Variants in ZNF536 observed in about 807,000 individuals in gnomAD.
ZNF536 encodes the protein zinc finger protein 536.
ZNF536 carries 13 observed loss-of-function variants against 84.5 expected under a neutral mutation model. The ratio of observed to expected loss-of-function variants is 0.15; its 90% CI spans 0.10 to 0.24. The LOEUF is 0.24. Ranked by LOEUF, ZNF536 falls within the 10% of genes least tolerant of loss-of-function variation. The pLI is 1.00. For synonymous variants in ZNF536, 811 were observed against 742.5 expected (o/e 1.09, Z -1.50); for missense variants, 1,536 against 1,747.5 (o/e 0.88, Z 2.16).
At chr19:30,255,136 G>T (rs939694751) in intron 1 of ZNF536, among the ~76,000 whole-genome samples, 2 of 152,102 alleles carry the variant, frequency 1.3e-5, no homozygotes, top group African/African-American at 4.8e-5. Context: ...CAAGATAGGG[G>T]CAATGATAGT....
intron 1 of ZNF536, among the ~76,000 whole-genome samples, chr19:30,435,143 G>A (rs562886350): frequency 6.7e-6 from 1 of 150,332 alleles, no homozygotes; most frequent in East Asian, 2.0e-4. Flanking sequence ...GATGATGATG[G>A]TGATTATGAT....
intron 2 of ZNF536, among the ~76,000 whole-genome samples, chr19:30,466,904 G>C (rs576918196): frequency 6.6e-6 from 1 of 152,094 alleles, no homozygotes. Context: ...GCAGTGGCAC[G>C]ATCTCGGCTC....
At chr19:30,285,159 G>A (rs1323556095) in intron 2 of ZNF536, among the ~76,000 whole-genome samples, 2 of 152,190 alleles carry the variant, frequency 1.3e-5, no homozygotes, top group African/African-American at 4.8e-5. Flanking sequence ...AGTAAAACAT[G>A]TACCAACACC....
At chr19:30,433,071 A>G (rs929683180) in intron 1 of ZNF536, among the ~76,000 whole-genome samples, 1 of 152,194 alleles carries the variant, frequency 6.6e-6, no homozygotes, top group Non-Finnish European at 1.5e-5. Flanking sequence ...GCACCAGCCC[A>G]TGCCTCTGCC....
intron 2 of ZNF536, among the ~76,000 whole-genome samples, chr19:30,499,944 G>A (rs893891891): frequency 1.3e-5 from 2 of 152,184 alleles, no homozygotes; most frequent in Non-Finnish European, 2.9e-5. Context: ...GCAAGTCTAA[G>A]TGTGTGGCCC....
chr19:30,330,785 G>C (rs1484401178), intron 2 of ZNF536, among the ~76,000 whole-genome samples: 1 of 152,154 alleles, frequency 6.6e-6, no homozygotes, highest in African/African-American at 2.4e-5. Context: ...TCCATTTTTC[G>C]GTCCTGAGGG....
chr19:30,360,474 C>T (rs2048239193), intron 3 of ZNF536, among the ~76,000 whole-genome samples: 1 of 152,202 alleles, frequency 6.6e-6, no homozygotes, highest in Non-Finnish European at 1.5e-5. Context: ...TTTGTTGCTG[C>T]ATGCATGGAC....
At chr19:30,275,972 T>C (rs2026108832) in intron 1 of ZNF536, among the ~76,000 whole-genome samples, 1 of 152,150 alleles carries the variant, frequency 6.6e-6, no homozygotes. Context: ...CCCCTCTCCC[T>C]TCACTTTCCC....
At chr19:30,466,350 GGGGCAACAAAGCGAA>G (rs1165479173) in intron 2 of ZNF536, among the ~76,000 whole-genome samples, 1 of 151,192 alleles carries the variant, frequency 6.6e-6, no homozygotes, top group African/African-American at 2.4e-5. Flanking sequence ...AAGACCAGCT[GGGGCAACAAAGCGAA>G]ACTCCATTGC....
rs769979658 is a variant in ZNF536 at position 30,547,965 on chromosome 19, G to A, written c.2346G>A (p.Pro782=). ...IHTGEKPYKC[P]HCDYAGTQSA... is the part of the protein sequence containing the mutation. Reference sequence around the variant, plus strand: ...CAGGTGAGAAACCCTACAAGTGTCCGCACTGTGACTATGCCGGCACGCAGT... The same window carrying A: ...CAGGTGAGAAACCCTACAAGTGTCCACACTGTGACTATGCCGGCACGCAGT... Residue 782 remains proline, a synonymous_variant, in exon 4 of 5, where the codon CCG becomes CCA. Coordinates refer to ENST00000355537, the MANE Select transcript of ZNF536 (RefSeq NM_014717.3). 16 of 1,571,348 alleles carry A rather than the reference G, an allele frequency of 1.0e-5. 1 individual carries two copies. The highest frequency in any genetic ancestry group is 2.4e-5 in the South Asian group (2 of 83,608).
Position 30,589,178 on chromosome 19 carries a change from C to T in ZNF536, c.169+39664C>T, listed in dbSNP as rs149850729. Among the ~76,000 whole-genome samples the T allele has an allele frequency of 1.4e-3, 212 of 152,276 alleles. 3 individuals carry two copies. Among genetic ancestry groups the T allele is most frequent in the African/African-American group, 4.9e-3 (204 of 41,562 alleles). On this transcript the variant is annotated intron_variant, in intron 1 of 1. Coordinates refer to the ZNF536 transcript ENST00000592773. Reference sequence around the variant, plus strand: ...CCATGCTTGGGAGGGCTCTTTGCATCGGTTACCACCATCTGTATTTGCATC... The same window carrying T: ...CCATGCTTGGGAGGGCTCTTTGCATTGGTTACCACCATCTGTATTTGCATC...
chr19:30,570,144 A>G (rs2046492798), intron 1 of ZNF536, among the ~76,000 whole-genome samples: 1 of 152,224 alleles, frequency 6.6e-6, no homozygotes, highest in South Asian at 2.1e-4. Context: ...GGGGAGAACC[A>G]GGCCTCTCAG....
intron 1 of ZNF536, among the ~76,000 whole-genome samples, chr19:30,591,620 A>G (rs57136488): frequency 0.44 from 66,628 of 151,994 alleles, 15,121 homozygotes; most frequent in South Asian, 0.54. Context: ...GGGTGGGGAC[A>G]CAGCCAAATC....
At chr19:30,671,177 G>A (rs768886255) in intron 1 of ZNF536, among the ~76,000 whole-genome samples, 7 of 152,234 alleles carry the variant, frequency 4.6e-5, no homozygotes, top group East Asian at 1.9e-4. Flanking sequence ...TACCTAGGGG[G>A]TATAACTCAG....
At chr19:30,339,141 G>T (rs2146518889) in intron 2 of ZNF536, among the ~76,000 whole-genome samples, 1 of 152,328 alleles carries the variant, frequency 6.6e-6, no homozygotes, top group South Asian at 2.1e-4. Flanking sequence ...CTGTTCCTAG[G>T]CAGATGCCTC....
At chr19:30,551,475 A>C (rs1186447892) in intron 4 of ZNF536, among the ~76,000 whole-genome samples, 1 of 152,164 alleles carries the variant, frequency 6.6e-6, no homozygotes. Context: ...AGCACACGAC[A>C]CGTCCCTGAC....
At chr19:30,457,291 G>A (rs1650115252) in intron 2 of ZNF536, among the ~76,000 whole-genome samples, 1 of 152,230 alleles carries the variant, frequency 6.6e-6, no homozygotes, top group Non-Finnish European at 1.5e-5. Flanking sequence ...TGTAGAATTA[G>A]GCCAATCCTG....
Position 30,616,186 on chromosome 19 carries a change from C to T in ZNF536, c.169+66672C>T, listed in dbSNP as rs547932077. Among the ~76,000 whole-genome samples the T allele has an allele frequency of 2.0e-5, 3 of 152,210 alleles. No individual in the cohort carries two copies. The South Asian group carries it at 6.2e-4, about 32-fold the overall frequency. On this transcript the variant is annotated intron_variant, in intron 1 of 1. Coordinates refer to the ZNF536 transcript ENST00000592773. ...GAATTCATGCTTCTTGCTCCTTTTC[C>T]ATTGCAATGACTAATATATTTGAGA...
intron 3 of ZNF536, among the ~76,000 whole-genome samples, chr19:30,537,591 G>T (rs567269465): frequency 8.5e-5 from 13 of 152,154 alleles, no homozygotes; most frequent in Non-Finnish European, 1.9e-4. Context: ...CTTCCCGGGG[G>T]GTAAGAGAAG....
Sources: allele counts gnomAD v4.1 joint callset (sites outside exome capture counted in the v4.1 genomes callset), GRCh38; gene constraint gnomAD v4.1.1; transcripts MANE v1.5; gene names NCBI Gene and HGNC (gene_info 2026-07-23, HGNC 2026-07-21).